The following OSBPL1A variants were observed in gnomAD, a reference collection of about 807,000 sequenced individuals.
The protein encoded by OSBPL1A is oxysterol-binding protein-related protein 1.
A neutral mutation model predicts 137.1 loss-of-function variants in OSBPL1A; 80 were observed. The observed-to-expected ratio is 0.58, with a 90% CI of 0.49 to 0.70. OSBPL1A has a LOEUF of 0.70. Among genes scored for constraint, OSBPL1A ranks in the 30% least tolerant of loss-of-function variants. The probability of loss-of-function intolerance (pLI) is 0.00; values close to 1 mark genes in which losing one functional copy is unlikely to be tolerated. For synonymous variants in OSBPL1A, 365 were observed against 389.7 expected, an observed-to-expected ratio of 0.94 and a Z score of 0.75; for missense variants, 970 against 1,129.4, an observed-to-expected ratio of 0.86 and a Z score of 2.02.
chr18:24,328,036 C>CTTTTT (rs10563779), intron 7 of OSBPL1A, among the ~76,000 whole-genome samples: 2 of 95,632 alleles, frequency 2.1e-5, no homozygotes, highest in East Asian at 2.6e-4. Flanking sequence ...AGAAATCACA[C>CTTTTT]TTTTTTTTTT....
In OSBPL1A at chr18:24,199,388, G is replaced by A. The variant is rs1360652551; in HGVS notation, c.1602-3188C>T. Among the ~76,000 whole-genome samples the A allele has an allele frequency of 4.6e-5, 7 of 151,500 alleles. No individual in the cohort carries two copies. In the East Asian group the frequency reaches 9.8e-4, roughly 21 times the overall value. On this transcript the variant is annotated intron_variant, in intron 17 of 27. Transcript: ENST00000319481. ...TAACATCCTTGCCCCCAGCTCCCCCGGCTCCCCCAGCTGCTATGCACTTCA... is the reference window on the plus strand; with the variant it reads ...TAACATCCTTGCCCCCAGCTCCCCCAGCTCCCCCAGCTGCTATGCACTTCA...
chr18:24,339,933 C>T (rs73943431), intron 5 of OSBPL1A, among the ~76,000 whole-genome samples: 2,651 of 152,088 alleles, frequency 0.017, 76 homozygotes, highest in African/African-American at 0.061. Flanking sequence ...CAAGACTAAT[C>T]GGGGTAATAA....
At chr18:24,265,602 A>C (rs2089550700) in intron 15 of OSBPL1A, among the ~76,000 whole-genome samples, 1 of 152,236 alleles carries the variant, frequency 6.6e-6, no homozygotes, top group African/African-American at 2.4e-5. Context: ...AAACATTATT[A>C]TAAGTGAGGG....
rs116816809 is a variant in OSBPL1A at position 24,362,964 on chromosome 18, C to G, written c.282+3928G>C. Among the ~76,000 whole-genome samples, 527 of 152,336 alleles carry G rather than the reference C, an allele frequency of 3.5e-3. 3 individuals are homozygous for G. The highest frequency in any genetic ancestry group is 0.011 in the African/African-American group (476 of 41,576). ...TATTAGTCCTCCCCACCTCCCCAAACAAGTCTGACCAGGGCAGGCCTGGCA... is the reference window on the plus strand; with the variant it reads ...TATTAGTCCTCCCCACCTCCCCAAAGAAGTCTGACCAGGGCAGGCCTGGCA... On this transcript the variant is annotated intron_variant, in intron 4 of 27. Coordinates refer to ENST00000319481, the MANE Select transcript of OSBPL1A (RefSeq NM_080597.4).
chr18:24,268,358 G>A (rs2089633858), intron 15 of OSBPL1A, among the ~76,000 whole-genome samples: 1 of 152,038 alleles, frequency 6.6e-6, no homozygotes, highest in Admixed American at 6.6e-5. Context: ...GAGCTCAGGG[G>A]ATCCACCTGC....
intron 15 of OSBPL1A, among the ~76,000 whole-genome samples, chr18:24,280,607 A>G (rs946204386): frequency 1.3e-5 from 2 of 152,210 alleles, no homozygotes; most frequent in African/African-American, 4.8e-5. Flanking sequence ...GATCAATTTT[A>G]AGTATACTTA....
At chr18:24,343,123 T>C (rs1323256206) in intron 4 of OSBPL1A, among the ~76,000 whole-genome samples, 1 of 151,570 alleles carries the variant, frequency 6.6e-6, no homozygotes, top group Non-Finnish European at 1.5e-5. Flanking sequence ...ATAAAGAACA[T>C]TTACACCTCA....
At position 24,360,402 on chromosome 18, in the gene OSBPL1A, T is replaced by C. The variant is rs184212455; in HGVS notation, c.282+6490A>G. On this transcript the variant is annotated intron_variant, in intron 4 of 27. Transcript: ENST00000319481. ...ATAAGATATTTTAAAATTATCTTCATGGTAAATGATCACATAGGAATGAGA... is the reference window on the plus strand; with the variant it reads ...ATAAGATATTTTAAAATTATCTTCACGGTAAATGATCACATAGGAATGAGA... Among the ~76,000 whole-genome samples the C allele has an allele frequency of 1.4e-4, 21 of 152,340 alleles. No individual in the cohort carries two copies. The East Asian group carries it at 2.7e-3, about 20-fold the overall frequency.
At position 24,376,739 on chromosome 18, in the gene OSBPL1A, A is replaced by G. The variant is rs529056560; in HGVS notation, c.121+674T>C. Among the ~76,000 whole-genome samples the G allele has an allele frequency of 9.8e-5, 15 of 152,346 alleles. No homozygotes were observed. In the South Asian group the frequency reaches 2.9e-3, roughly 29 times the overall value. On this transcript the variant is annotated intron_variant, in intron 2 of 27. Transcript: ENST00000319481. ...AGCCCTGCCCCGCAGGAAGGCAGCTAAGGCCCGGTGAGAGATCCAGCGCAG... is the reference window on the plus strand; with the variant it reads ...AGCCCTGCCCCGCAGGAAGGCAGCTGAGGCCCGGTGAGAGATCCAGCGCAG...
intron 7 of OSBPL1A, among the ~76,000 whole-genome samples, chr18:24,325,899 T>C (rs908238660): frequency 2.0e-5 from 3 of 152,240 alleles, no homozygotes; most frequent in Non-Finnish European, 4.4e-5. Flanking sequence ...ATTTTAAATA[T>C]CCTTGCTTTT....
At chr18:24,321,785 A>C (rs936203829) in intron 7 of OSBPL1A, 1 of 457,848 alleles carries the variant, frequency 2.2e-6, no homozygotes. Context: ...AGATGGCATG[A>C]TATCTGGAAT....
chr18:24,188,426 T>A (rs1159369146), intron 18 of OSBPL1A, among the ~76,000 whole-genome samples: 3 of 152,244 alleles, frequency 2.0e-5, no homozygotes, highest in African/African-American at 7.2e-5. Flanking sequence ...GCACAAAGGA[T>A]GTGGGTTTAT....
intron 17 of OSBPL1A, among the ~76,000 whole-genome samples, chr18:24,208,693 T>C (rs2145963733): frequency 6.6e-6 from 1 of 152,330 alleles, no homozygotes; most frequent in African/African-American, 2.4e-5. Flanking sequence ...ATAGAACCTG[T>C]AATATAGGTA....
rs115909592 is a variant in OSBPL1A at position 24,187,471 on chromosome 18, C to T, written c.1678-6192G>A. 3.4e-3 allele frequency among the ~76,000 whole-genome samples: 520 copies of T among 152,224 alleles called. 3 individuals are homozygous for T. The highest frequency in any genetic ancestry group is 0.011 in the African/African-American group (475 of 41,530). On this transcript the variant is annotated intron_variant, in intron 18 of 27. Transcript: ENST00000319481. ...AGATCAAACTTCCTGCATTCAAATC[C>T]TAGCTGTACTACCTACTGCTTGCGT...
chr18:24,327,098 T>C (rs570729525), intron 7 of OSBPL1A, among the ~76,000 whole-genome samples: 1 of 136,262 alleles, frequency 7.3e-6, no homozygotes, highest in East Asian at 1.9e-4. Context: ...CTCTTATGGT[T>C]TTTTTCTTTT....
intron 21 of OSBPL1A, among the ~76,000 whole-genome samples, chr18:24,175,129 T>C (rs79388268): frequency 0.014 from 1,022 of 72,490 alleles, 15 homozygotes; most frequent in Admixed American, 0.023. Context: ...TATATATATA[T>C]ATATATACAC....
At chr18:24,368,454 C>T in intron 2 of OSBPL1A, 82 bp from the exon 3 acceptor site, 1 of 998,626 alleles carries the variant, frequency 1.0e-6, no homozygotes, top group Non-Finnish European at 1.6e-6. Flanking sequence ...TAACAAGCTA[C>T]CTCAATAATC....
At chr18:24,369,944 G>A (rs747064800) in intron 2 of OSBPL1A, among the ~76,000 whole-genome samples, 10 of 152,150 alleles carry the variant, frequency 6.6e-5, no homozygotes, top group Non-Finnish European at 1.3e-4. Context: ...ACTGCTGGCC[G>A]AGCATGGTGG....
At chr18:24,301,702 C>T (rs1240872341) in intron 14 of OSBPL1A, among the ~76,000 whole-genome samples, 2 of 152,196 alleles carry the variant, frequency 1.3e-5, no homozygotes, top group Admixed American at 1.3e-4. Flanking sequence ...TAATATAATA[C>T]TCCAGCCTGC....
Sources: gnomAD v4.1 joint callset for allele counts (sites outside exome capture counted in the v4.1 genomes callset) on GRCh38, gnomAD v4.1.1 for gene constraint, MANE v1.5 for transcripts, NCBI Gene and HGNC (gene_info 2026-07-23, HGNC 2026-07-21) for gene names.